The following DOCK4 variants were observed in gnomAD, a reference collection of about 807,000 sequenced individuals.
DOCK4 encodes dedicator of cytokinesis protein 4.
In DOCK4, 97 loss-of-function variants were observed where a neutral mutation model predicts 268.1. That is an observed-to-expected ratio of 0.36 (90% confidence interval 0.31 to 0.43). The LOEUF is 0.43. Ranked by LOEUF, DOCK4 falls within the 20% of genes least tolerant of loss-of-function variation. The probability of loss-of-function intolerance (pLI) is 1.00; values close to 1 mark genes in which losing one functional copy is unlikely to be tolerated. For synonymous variants in DOCK4, 954 were observed against 887.2 expected, an observed-to-expected ratio of 1.08 and a Z score of -1.34; for missense variants, 2,145 against 2,455.7, an observed-to-expected ratio of 0.87 and a Z score of 2.67.
At chr7:112,044,839 A>G (rs1329097747) in intron 1 of DOCK4, among the ~76,000 whole-genome samples, 1 of 151,978 alleles carries the variant, frequency 6.6e-6, no homozygotes, top group Non-Finnish European at 1.5e-5. Context: ...CCACAACTAC[A>G]ATTATCCTGG....
At chr7:112,121,599 G>A (rs1411683064) in intron 1 of DOCK4, among the ~76,000 whole-genome samples, 1 of 152,040 alleles carries the variant, frequency 6.6e-6, no homozygotes, top group African/African-American at 2.4e-5. Flanking sequence ...CCTTGTTCAG[G>A]AAATCTTCAC....
At chr7:111,854,448 C>G (rs1219973574) in intron 23 of DOCK4, among the ~76,000 whole-genome samples, 1 of 152,214 alleles carries the variant, frequency 6.6e-6, no homozygotes, top group Non-Finnish European at 1.5e-5. Context: ...ATTGCTCACT[C>G]GGGGAGCTCA....
At chr7:112,017,496 G>A (rs1046320217) in intron 1 of DOCK4, among the ~76,000 whole-genome samples, 1 of 152,174 alleles carries the variant, frequency 6.6e-6, no homozygotes, top group Non-Finnish European at 1.5e-5. Context: ...GAGAGGTCTT[G>A]GCAAATGTGG....
chr7:111,769,756 ACTGGGG>A, intron 36 of DOCK4, 79 bp from the exon 37 acceptor site: 3 of 1,485,126 alleles, frequency 2.0e-6, no homozygotes, highest in Admixed American at 2.4e-5. Flanking sequence ...TTTCCGACAA[ACTGGGG>A]AAAAAAAATA....
chr7:112,044,315 G>A (rs890683845), intron 1 of DOCK4, among the ~76,000 whole-genome samples: 3 of 152,146 alleles, frequency 2.0e-5, no homozygotes, highest in Non-Finnish European at 4.4e-5. Context: ...GGAAATAGTA[G>A]AAGACAAGGA....
At chr7:112,018,632 G>T (rs1185215607) in intron 1 of DOCK4, among the ~76,000 whole-genome samples, 1 of 151,850 alleles carries the variant, frequency 6.6e-6, no homozygotes, top group Admixed American at 6.6e-5. Flanking sequence ...GGTTGTCTTT[G>T]TTTGCCAAAA....
intron 6 of DOCK4, 146 bp downstream of exon 6, chr7:111,988,869 C>T (rs1799264693): frequency 8.5e-7 from 1 of 1,178,364 alleles, no homozygotes; most frequent in Admixed American, 2.7e-5. Context: ...TCTATCAATG[C>T]CAGTTCGCAC....
rs28680606 is a variant in DOCK4, at chr7:112,173,241, T to C, written c.37+32861A>G. Among the ~76,000 whole-genome samples, 855 of 152,284 alleles carry C rather than the reference T, an allele frequency of 5.6e-3. 4 individuals are homozygous for C. Among genetic ancestry groups the C allele is most frequent in the African/African-American group, 0.02 (816 of 41,558 alleles). Reference sequence around the variant, plus strand: ...AAAAAGCATGATTTCCCTCGTGCATTGTGTGAGAAAGAAATAGCAAAAGGG... The same window carrying C: ...AAAAAGCATGATTTCCCTCGTGCATCGTGTGAGAAAGAAATAGCAAAAGGG... On this transcript the variant is annotated intron_variant, in intron 1 of 52. Transcript: ENST00000428084.
chr7:112,041,062 G>C (rs17159189), intron 1 of DOCK4, among the ~76,000 whole-genome samples: 4,897 of 152,172 alleles, frequency 0.032, 155 homozygotes, highest in East Asian at 0.15. Flanking sequence ...CTCAGGCTCA[G>C]ATGCAGCTCT....
intron 12 of DOCK4, among the ~76,000 whole-genome samples, chr7:111,926,538 A>G (rs1368574834): frequency 6.7e-6 from 1 of 148,668 alleles, no homozygotes; most frequent in Non-Finnish European, 1.5e-5. Flanking sequence ...AAAGAGAAAG[A>G]GAAAGAGAAA....
intron 27 of DOCK4, among the ~76,000 whole-genome samples, chr7:111,818,674 CA>C (rs1205926177): frequency 1.3e-5 from 2 of 152,224 alleles, no homozygotes; most frequent in Non-Finnish European, 2.9e-5. Flanking sequence ...CTCCACATAT[CA>C]ATATCTGGGT....
intron 27 of DOCK4, chr7:111,819,707 T>C (rs1471926520): frequency 1.3e-5 from 2 of 152,212 alleles, no homozygotes; most frequent in Admixed American, 1.3e-4. Context: ...TAAAAGAACA[T>C]TCATTTTGAG....
intron 44 of DOCK4, among the ~76,000 whole-genome samples, chr7:111,742,379 C>A (rs116083472): frequency 1.3e-5 from 2 of 152,122 alleles, no homozygotes; most frequent in African/African-American, 4.8e-5. Context: ...TCCTACTCCC[C>A]CAGGCTTCTT....
At chr7:112,092,508 C>A (rs73715431) in intron 1 of DOCK4, among the ~76,000 whole-genome samples, 1 of 152,094 alleles carries the variant, frequency 6.6e-6, no homozygotes, top group African/African-American at 2.4e-5. Flanking sequence ...AACGACCTAA[C>A]GGCGCGACAG....
chr7:111,928,286 C>T (rs1793898483), intron 12 of DOCK4, among the ~76,000 whole-genome samples: 1 of 152,108 alleles, frequency 6.6e-6, no homozygotes, highest in South Asian at 2.1e-4. Context: ...TACTGAAATA[C>T]TTCCATATTT....
At chr7:112,136,264 C>T (rs1814335662) in intron 1 of DOCK4, among the ~76,000 whole-genome samples, 1 of 152,036 alleles carries the variant, frequency 6.6e-6, no homozygotes, top group Non-Finnish European at 1.5e-5. Context: ...ACTAGCAACA[C>T]ACATAAAGCC....
intron 12 of DOCK4, among the ~76,000 whole-genome samples, chr7:111,923,341 AG>A (rs1273674167): frequency 6.6e-6 from 1 of 152,214 alleles, no homozygotes; most frequent in Non-Finnish European, 1.5e-5. Flanking sequence ...TGGCAAGTAA[AG>A]AATTCAAAGT....
intron 1 of DOCK4, among the ~76,000 whole-genome samples, chr7:112,205,316 C>T (rs1370147075): frequency 1.3e-5 from 2 of 152,122 alleles, no homozygotes; most frequent in Admixed American, 6.5e-5. Flanking sequence ...TTCCGATCCC[C>T]CTCCCCATTT....
intron 28 of DOCK4, among the ~76,000 whole-genome samples, chr7:111,811,561 T>G (rs1801133582): frequency 6.6e-6 from 1 of 152,152 alleles, no homozygotes; most frequent in African/African-American, 2.4e-5. Context: ...AAACGTTTTC[T>G]TCATATAAAC....
Sources: gnomAD v4.1 joint callset for allele counts (sites outside exome capture counted in the v4.1 genomes callset) on GRCh38, gnomAD v4.1.1 for gene constraint, MANE v1.5 for transcripts, NCBI Gene and HGNC (gene_info 2026-07-23, HGNC 2026-07-21) for gene names.